Variants in SERTM1 observed in about 807,000 individuals in gnomAD.
SERTM1 encodes the protein serine rich and transmembrane domain containing 1.
In SERTM1, 1 loss-of-function variant was observed where a neutral mutation model predicts 5.5. The observed-to-expected ratio is 0.18, with a 90% confidence interval of 0.06 to 0.86. The LOEUF is 0.86. SERTM1 is among the 40% of genes least tolerant of loss of function. The pLI is 0.69. For synonymous variants in SERTM1, 52 were observed against 55.1 expected, an observed-to-expected ratio of 0.94 and a Z score of 0.25; for missense variants, 91 against 122.4, an observed-to-expected ratio of 0.74 and a Z score of 1.21.
Position 36,697,291 on chromosome 13 carries a change from GCA to G in SERTM1, c.*1906_*1907del, listed in dbSNP as rs58941896. On this transcript the variant is annotated 3_prime_UTR_variant, in exon 2 of 2. Transcript: ENST00000315190. ...TATATGTATATATACATATATATACGCACACACACACACACACATAAATATAT... is the reference window on the plus strand; with the variant it reads ...TATATGTATATATACATATATATACGCACACACACACACACATAAATATAT... 126,032 of 155,400 alleles carry G rather than the reference GCA, an allele frequency of 0.81. 51,106 individuals carry two copies. The highest frequency in any genetic ancestry group is 1 in the East Asian group (4,915 of 4,928). The allele number at this position is 155,400 out of a possible 1,614,324, so 9.6% of individuals were successfully genotyped here.
chr13:36,679,178 T>A (rs1189752328), intron 1 of SERTM1, among the ~76,000 whole-genome samples: 1 of 152,174 alleles, frequency 6.6e-6, no homozygotes, highest in Non-Finnish European at 1.5e-5. Flanking sequence ...ATGTTGAGCA[T>A]CCCTAATCCA....
At chr13:36,678,306 T>C (rs1190899978) in intron 1 of SERTM1, among the ~76,000 whole-genome samples, 1 of 152,192 alleles carries the variant, frequency 6.6e-6, no homozygotes, top group Non-Finnish European at 1.5e-5. Context: ...CCTCTTGTTT[T>C]GTTTTGTTGT....
intron 1 of SERTM1, among the ~76,000 whole-genome samples, chr13:36,686,511 C>G (rs585469): frequency 6.6e-6 from 1 of 152,170 alleles, no homozygotes; most frequent in Non-Finnish European, 1.5e-5. Flanking sequence ...CTAGATTAAC[C>G]AGTTAACATT....
In SERTM1 at chr13:36,696,921, C is replaced by G. The variant is rs1485477344; in HGVS notation, c.*1519C>G. On this transcript the variant is annotated 3_prime_UTR_variant, in exon 2 of 2. Transcript: ENST00000315190. ...TTGGTTAGATTGTGCAGTCAGCACT[C>G]TCCAGTGATTAGAATGGGGGAAAGA... The G allele has an allele frequency of 6.0e-6, 1 of 166,914 alleles. No homozygotes were observed. Among genetic ancestry groups the G allele is most frequent in the African/African-American group, 2.4e-5 (1 of 41,374 alleles). The allele number at this position is 166,914 out of a possible 1,614,324, so 10.3% of individuals were successfully genotyped here.
intron 1 of SERTM1, among the ~76,000 whole-genome samples, chr13:36,674,441 C>A (rs999903321): frequency 2.6e-5 from 4 of 152,158 alleles, no homozygotes; most frequent in African/African-American, 7.2e-5. Flanking sequence ...ACTCCACGGG[C>A]TGCAGGAGGA....
At chr13:36,682,744 C>A (rs1410662429) in intron 1 of SERTM1, among the ~76,000 whole-genome samples, 1 of 152,196 alleles carries the variant, frequency 6.6e-6, no homozygotes, top group Non-Finnish European at 1.5e-5. Context: ...TCTTAGATTT[C>A]TCACTGTAGC....
At chr13:36,675,980 A>G (rs2056667319) in intron 1 of SERTM1, among the ~76,000 whole-genome samples, 10 of 152,172 alleles carry the variant, frequency 6.6e-5, no homozygotes, top group Admixed American at 6.5e-4. Context: ...CATTAAAGAA[A>G]CCTGTTGTAA....
At chr13:36,674,481 T>C (rs1467308981) in intron 1 of SERTM1, among the ~76,000 whole-genome samples, 1 of 152,116 alleles carries the variant, frequency 6.6e-6, no homozygotes, top group Non-Finnish European at 1.5e-5. Flanking sequence ...GCAATGTCCT[T>C]GGCCCCGTGT....
intron 1 of SERTM1, among the ~76,000 whole-genome samples, chr13:36,691,111 T>C (rs938766469): frequency 6.6e-6 from 1 of 152,216 alleles, no homozygotes; most frequent in Admixed American, 6.5e-5. Context: ...TATTGTGTCA[T>C]AGAAGTCAAG....
intron 1 of SERTM1, among the ~76,000 whole-genome samples, chr13:36,687,482 A>G (rs1422939088): frequency 1.3e-5 from 2 of 152,100 alleles, no homozygotes; most frequent in South Asian, 4.1e-4. Context: ...GGGGAAAAGT[A>G]TCTCCTTAAT....
At position 36,695,264 on chromosome 13, in the gene SERTM1, C is replaced by T; in HGVS notation, c.186C>T (p.Ala62=). 1.2e-6 allele frequency: 2 copies of T among 1,614,130 alleles called. No individual in the cohort carries two copies. Among genetic ancestry groups the T allele is most frequent in the South Asian group, 1.1e-5 (1 of 91,078 alleles). ...TTCTGCTTCTGCTTTTAATCATTGC[C>T]CTCCAGAGGCTCAAAAATATCATCT... is the stretch of plus-strand genomic sequence containing the variant. The part of the protein sequence containing the change: ...LAFLLLLLII[A]LQRLKNIISS... The change falls in exon 2 of 2, where the codon GCC becomes GCT. Residue 62 remains alanine, a synonymous_variant. Transcript: ENST00000315190.
intron 1 of SERTM1, among the ~76,000 whole-genome samples, chr13:36,693,493 T>C (rs757407971): frequency 1.3e-5 from 2 of 152,004 alleles, no homozygotes; most frequent in Non-Finnish European, 2.9e-5. Flanking sequence ...AGTCAAATTA[T>C]TTTAGGAACT....
chr13:36,692,869 G>A (rs1243330803), intron 1 of SERTM1, among the ~76,000 whole-genome samples: 1 of 152,180 alleles, frequency 6.6e-6, no homozygotes, highest in African/African-American at 2.4e-5. Flanking sequence ...GTCTAGCTAT[G>A]TACCCTGAGT....
intron 1 of SERTM1, among the ~76,000 whole-genome samples, chr13:36,678,393 T>C (rs542937121): frequency 6.6e-6 from 1 of 152,126 alleles, no homozygotes; most frequent in South Asian, 2.1e-4. Flanking sequence ...GGAATCATAG[T>C]ATACACTATC....
chr13:36,677,994 T>C (rs1357381890), intron 1 of SERTM1, among the ~76,000 whole-genome samples: 1 of 151,824 alleles, frequency 6.6e-6, no homozygotes, highest in East Asian at 1.9e-4. Context: ...AAAAAAATGG[T>C]AGAAATGAAC....
At chr13:36,691,874 C>G (rs187673289) in intron 1 of SERTM1, among the ~76,000 whole-genome samples, 13 of 152,306 alleles carry the variant, frequency 8.5e-5, no homozygotes, top group Admixed American at 3.3e-4. Context: ...TAAACACATA[C>G]AGGCTGGGTC....
rs544103244 is a variant in SERTM1, at chr13:36,697,830, T to G, written c.*2428T>G. The G allele has an allele frequency of 1.6e-4, 27 of 166,996 alleles. No homozygotes were observed. The highest frequency in any genetic ancestry group is 6.5e-4 in the African/African-American group (27 of 41,504). 10.3% of individuals were successfully genotyped at this position (166,996 alleles called of 1,614,324 possible). A position where few individuals can be genotyped will look rare whatever the true frequency, so the allele number is the denominator to read the frequency against. On this transcript the variant is annotated 3_prime_UTR_variant, in exon 2 of 2. Coordinates refer to ENST00000315190, the MANE Select transcript of SERTM1 (RefSeq NM_203451.3). Reference sequence around the variant, plus strand: ...TGGGTTTATAAATAAAGAAGTGGAGTCCATTGAAAGCCTGGTTCTTTGATT... The same window carrying G: ...TGGGTTTATAAATAAAGAAGTGGAGGCCATTGAAAGCCTGGTTCTTTGATT...
chr13:36,678,610 A>G (rs748497137), intron 1 of SERTM1, among the ~76,000 whole-genome samples: 1 of 150,918 alleles, frequency 6.6e-6, no homozygotes, highest in Non-Finnish European at 1.5e-5. Flanking sequence ...CCACCATGGC[A>G]CATGTTTACT....
Position 36,695,187 on chromosome 13 carries a change from C to T in SERTM1, c.109C>T (p.His37Tyr). ...CACGTCAGTGGACCCATCCTCAGGC[C>T]ACCTGTCAAACGTCTACATCTATGT... The part of the protein sequence containing the change: ...LSTSVDPSSG[H>Y]LSNVYIYVSI... The change falls in exon 2 of 2, where the codon CAC becomes TAC. Residue 37 changes from histidine (H) to tyrosine (Y), a missense_variant. By Grantham distance (83) the His-to-Tyr change is moderately conservative. Coordinates refer to ENST00000315190, the MANE Select transcript of SERTM1 (RefSeq NM_203451.3). 2 of 1,614,190 alleles carry T rather than the reference C, an allele frequency of 1.2e-6. No homozygotes were observed. The highest frequency in any genetic ancestry group is 1.7e-6 in the Non-Finnish European group (2 of 1,180,000).
Sources: gnomAD v4.1 joint callset for allele counts (sites outside exome capture counted in the v4.1 genomes callset) on GRCh38, gnomAD v4.1.1 for gene constraint, MANE v1.5 for transcripts, NCBI Gene and HGNC (gene_info 2026-07-23, HGNC 2026-07-21) for gene names.